Variants in TAS2R1 observed in about 807,000 individuals in gnomAD.
TAS2R1 encodes taste receptor type 2 member 1.
For synonymous variants in TAS2R1, 141 were observed against 134.2 expected (o/e 1.05, Z -0.35); for missense variants, 370 against 353.4 (o/e 1.05, Z -0.38).
intron 1 of TAS2R1, among the ~76,000 whole-genome samples, chr5:9,668,294 T>C (rs1740679150): frequency 6.6e-6 from 1 of 152,124 alleles, no homozygotes; most frequent in Non-Finnish European, 1.5e-5. Context: ...CTCACTGGCA[T>C]CCCTGAAAGA....
the TAS2R1 span, among the ~76,000 whole-genome samples, chr5:9,836,469 G>A: frequency 6.6e-6 from 1 of 151,580 alleles, no homozygotes; most frequent in African/African-American, 2.4e-5. Context: ...CTACTCACAA[G>A]ATGCCAGCAG....
intron 1 of TAS2R1, among the ~76,000 whole-genome samples, chr5:9,667,549 G>A (rs1740660115): frequency 6.6e-6 from 1 of 152,160 alleles, no homozygotes; most frequent in Admixed American, 6.5e-5. Flanking sequence ...GTAGATTTGG[G>A]TTGACCTGGA....
the TAS2R1 span, among the ~76,000 whole-genome samples, chr5:9,845,693 G>A: frequency 1.3e-5 from 2 of 152,318 alleles, no homozygotes; most frequent in South Asian, 2.1e-4. Context: ...AATACAATGA[G>A]TCTATTTGCA....
chr5:9,727,335 AAAT>A, the TAS2R1 span, among the ~76,000 whole-genome samples: 1 of 152,250 alleles, frequency 6.6e-6, no homozygotes, highest in African/African-American at 2.4e-5. Flanking sequence ...TGGAAAATAA[AAAT>A]AATTAGTCTC....
At chr5:9,738,143 G>T in the TAS2R1 span, among the ~76,000 whole-genome samples, 1 of 152,140 alleles carries the variant, frequency 6.6e-6, no homozygotes, top group Admixed American at 6.5e-5. Flanking sequence ...CTTCCTGCAA[G>T]AGCTGAGTTT....
the TAS2R1 span, among the ~76,000 whole-genome samples, chr5:9,873,657 A>C: frequency 6.6e-6 from 1 of 152,058 alleles, no homozygotes; most frequent in African/African-American, 2.4e-5. Context: ...GTCTGAGCTT[A>C]GGAATTCAAG....
chr5:9,683,466 G>A (rs1466515351), intron 1 of TAS2R1, among the ~76,000 whole-genome samples: 2 of 152,164 alleles, frequency 1.3e-5, no homozygotes, highest in Non-Finnish European at 2.9e-5. Context: ...GAGTCCTCGA[G>A]GCCAGTGGCT....
At chr5:9,893,847 G>A in the TAS2R1 span, among the ~76,000 whole-genome samples, 3 of 152,318 alleles carry the variant, frequency 2.0e-5, no homozygotes, top group East Asian at 5.8e-4. Flanking sequence ...TTTAAAGACT[G>A]CTCAGGTGGT....
At chr5:9,724,615 C>T in the TAS2R1 span, among the ~76,000 whole-genome samples, 2 of 152,092 alleles carry the variant, frequency 1.3e-5, no homozygotes, top group Non-Finnish European at 2.9e-5. Context: ...TATCCTATTC[C>T]TGTGCAGATT....
At chr5:9,645,262 A>G (rs1440600577) in intron 2 of TAS2R1, among the ~76,000 whole-genome samples, 1 of 152,160 alleles carries the variant, frequency 6.6e-6, no homozygotes, top group African/African-American at 2.4e-5. Flanking sequence ...TTTCCACTTT[A>G]GAGATTATTA....
the TAS2R1 span, among the ~76,000 whole-genome samples, chr5:9,863,412 G>A: frequency 1.3e-5 from 2 of 151,682 alleles, no homozygotes; most frequent in Admixed American, 1.3e-4. Context: ...GCTGGGACGT[G>A]GGCTCCCACC....
chr5:9,691,209 A>G (rs1393529628), intron 1 of TAS2R1, among the ~76,000 whole-genome samples: 1 of 152,132 alleles, frequency 6.6e-6, no homozygotes, highest in East Asian at 1.9e-4. Flanking sequence ...GGAGACAGAT[A>G]GACAGGGAGC....
At chr5:9,661,228 C>T (rs2126495624) in intron 1 of TAS2R1, among the ~76,000 whole-genome samples, 1 of 152,330 alleles carries the variant, frequency 6.6e-6, no homozygotes, top group East Asian at 1.9e-4. Context: ...TTTCTAGCCA[C>T]AGCCTCTTAG....
At chr5:9,655,338 A>C (rs998629164) in intron 2 of TAS2R1, among the ~76,000 whole-genome samples, 8 of 152,224 alleles carry the variant, frequency 5.3e-5, no homozygotes, top group Non-Finnish European at 8.8e-5. Flanking sequence ...TTTAAAGGAA[A>C]AGACTGACAA....
rs2126520344 is a variant in TAS2R1 at position 9,694,379 on chromosome 5, A to T, written c.-242+17793T>A. 1.3e-5 allele frequency among the ~76,000 whole-genome samples: 2 copies of T among 152,362 alleles called. 1 individual carries two copies. Among genetic ancestry groups the T allele is most frequent in the East Asian group, 3.9e-4 (2 of 5,190 alleles). On this transcript the variant is annotated intron_variant, in intron 1 of 2. Transcript: ENST00000506620. Reference sequence around the variant, plus strand: ...AAAAATGACTTATTGTCTTTAGCTTAGGAGCCACCAAATCAGAGCCCTGAA... The same window carrying T: ...AAAAATGACTTATTGTCTTTAGCTTTGGAGCCACCAAATCAGAGCCCTGAA...
At chr5:9,719,944 AC>A in the TAS2R1 span, among the ~76,000 whole-genome samples, 194 of 148,644 alleles carry the variant, frequency 1.3e-3, 7 homozygotes, top group African/African-American at 4.3e-3. Flanking sequence ...AAAAACAAAA[AC>A]AAAAACAAAC....
chr5:9,724,253 C>A, the TAS2R1 span, among the ~76,000 whole-genome samples: 2 of 152,078 alleles, frequency 1.3e-5, no homozygotes, highest in Non-Finnish European at 2.9e-5. Context: ...GTATGGCCAG[C>A]AAGGCAACCT....
At chr5:9,814,762 G>A in the TAS2R1 span, among the ~76,000 whole-genome samples, 5 of 152,114 alleles carry the variant, frequency 3.3e-5, no homozygotes, top group Admixed American at 2.0e-4. Context: ...TGCTGGATCT[G>A]TCAGAAAAAA....
intron 2 of TAS2R1, among the ~76,000 whole-genome samples, chr5:9,649,970 A>G (rs1273924480): frequency 2.0e-5 from 3 of 152,266 alleles, no homozygotes; most frequent in Middle Eastern, 3.4e-3. Flanking sequence ...TAAATTTCCA[A>G]TTAAAAAGCC....
Sources: gnomAD v4.1 joint callset for allele counts (sites outside exome capture counted in the v4.1 genomes callset) on GRCh38, gnomAD v4.1.1 for gene constraint, MANE v1.5 for transcripts, NCBI Gene and HGNC (gene_info 2026-07-23, HGNC 2026-07-21) for gene names.